Variants in SLC22A23 observed in about 807,000 individuals in gnomAD.
SLC22A23 encodes the protein solute carrier family 22 member 23.
SLC22A23 carries 26 observed loss-of-function variants against 61.0 expected under a neutral mutation model. The observed-to-expected ratio is 0.43, with a 90% confidence interval of 0.31 to 0.59. SLC22A23 has a LOEUF of 0.59. Among genes scored for constraint, SLC22A23 ranks in the 20% least tolerant of loss-of-function variants. The pLI, the probability that SLC22A23 is intolerant of heterozygous loss-of-function variation, is 0.11. For missense variants in SLC22A23, 796 were observed against 934.7 expected (o/e 0.85, Z 1.94); for synonymous variants, 430 against 413.9 (o/e 1.04, Z -0.47).
At chr6:3,278,916 C>T (rs994553993) in intron 9 of SLC22A23, among the ~76,000 whole-genome samples, 5 of 152,088 alleles carry the variant, frequency 3.3e-5, no homozygotes, top group African/African-American at 7.2e-5. Context: ...CTTACTCACA[C>T]GGGAGTCACA....
chr6:3,273,160 C>T lies in SLC22A23; in HGVS notation c.1956G>A (p.Leu652=), dbSNP rs755816262. The T allele has an allele frequency of 6.8e-6, 11 of 1,612,102 alleles. No homozygotes were observed. Among genetic ancestry groups the T allele is most frequent in the South Asian group, 6.6e-5 (6 of 91,030 alleles). Residue 652 remains leucine, a synonymous_variant, in exon 10 of 10, where the codon CTG becomes CTA. Transcript: ENST00000406686. ...LPHKKGEQPL[L]LTNAELKDYS... ...AGTCCTTGAGCTCGGCGTTGGTGAG[C>T]AGCAGTGGCTGCTCCCCCTTCTTGT...
intron 2 of SLC22A23, among the ~76,000 whole-genome samples, chr6:3,412,016 T>C (rs1419854664): frequency 6.6e-6 from 1 of 152,220 alleles, no homozygotes; most frequent in East Asian, 1.9e-4. Flanking sequence ...TCCTGGTCTG[T>C]GAAATGGGGA....
chr6:3,392,034 A>G (rs1416267011), intron 3 of SLC22A23, among the ~76,000 whole-genome samples: 1 of 152,016 alleles, frequency 6.6e-6, no homozygotes, highest in African/African-American at 2.4e-5. Context: ...GGAAGCTGTT[A>G]GAGCGTGTGG....
intron 9 of SLC22A23, among the ~76,000 whole-genome samples, chr6:3,278,762 A>G (rs937754795): frequency 2.6e-5 from 4 of 152,252 alleles, no homozygotes; most frequent in Non-Finnish European, 4.4e-5. Flanking sequence ...TGGCTCTTTC[A>G]GGAAGCCACA....
intron 3 of SLC22A23, among the ~76,000 whole-genome samples, chr6:3,393,917 C>G (rs1453010118): frequency 6.6e-6 from 1 of 152,194 alleles, no homozygotes; most frequent in African/African-American, 2.4e-5. Flanking sequence ...CCTCCTCTCC[C>G]TGCACTCCAC....
chr6:3,429,049 GGA>G lies in SLC22A23; in HGVS notation c.655-13196_655-13195del, dbSNP rs1323072015. Among the ~76,000 whole-genome samples, 6 of 152,282 alleles carry G rather than the reference GGA, an allele frequency of 3.9e-5. No homozygotes were observed. The East Asian group carries it at 1.2e-3, about 29-fold the overall frequency. ...AAGGGCATGTCTGGGCTGCAGAATA[GGA>G]GAGATGTTGCCATGTATATTTTGTT... is the stretch of plus-strand genomic sequence containing the variant. On this transcript the variant is annotated intron_variant, in intron 1 of 9. Transcript: ENST00000406686.
At chr6:3,355,907 AAAAC>A (rs1375696550) in intron 3 of SLC22A23, among the ~76,000 whole-genome samples, 1 of 148,430 alleles carries the variant, frequency 6.7e-6, no homozygotes, top group East Asian at 2.0e-4. Context: ...GAAGTTCAGA[AAAAC>A]AAACACAGTA....
Position 3,297,739 on chromosome 6 carries a change from T to C in SLC22A23, c.1210+352A>G, listed in dbSNP as rs1215719667. Among the ~76,000 whole-genome samples the C allele has an allele frequency of 1.3e-5, 2 of 152,190 alleles. No individual in the cohort carries two copies. Among genetic ancestry groups the C allele is most frequent in the Non-Finnish European group, 2.9e-5 (2 of 68,028 alleles). ...AGGAAAGCTGAGGTCACAGGGGCCA[T>C]CTACACCCTGAGCCAGCGCTCTGGC... On this transcript the variant is annotated intron_variant, in intron 5 of 9. Transcript: ENST00000406686. This position sits in a 1 kb window ranked among gnomAD's most constrained non-coding sequence, Gnocchi z 4.3.
At chr6:3,331,971 T>C (rs774744102) in intron 3 of SLC22A23, among the ~76,000 whole-genome samples, 12 of 152,218 alleles carry the variant, frequency 7.9e-5, no homozygotes, top group Non-Finnish European at 1.3e-4. Flanking sequence ...AAAGTGACAA[T>C]TCCCAATCCT....
At chr6:3,283,733 GA>G (rs1421321694) in intron 9 of SLC22A23, 118 bp downstream of exon 9, 2 of 1,532,820 alleles carry the variant, frequency 1.3e-6, no homozygotes, top group Non-Finnish European at 8.8e-7. Context: ...CCACGAAGCT[GA>G]TGTGTCCAGA....
At chr6:3,366,824 T>A (rs565811897) in intron 3 of SLC22A23, among the ~76,000 whole-genome samples, 3 of 152,278 alleles carry the variant, frequency 2.0e-5, no homozygotes, top group East Asian at 3.9e-4. Context: ...ATCCTAGCAA[T>A]GGTGGGTAAG....
chr6:3,415,926 G>T lies in SLC22A23; in HGVS notation c.655-71C>A. The T allele has an allele frequency of 6.1e-6, 7 of 1,154,694 alleles. No homozygotes were observed. In the South Asian group the frequency reaches 8.2e-5, roughly 14 times the overall value. 71.5% of individuals were successfully genotyped at this position (1,154,694 alleles called of 1,614,324 possible). A position where few individuals can be genotyped will look rare whatever the true frequency, so the allele number is the denominator to read the frequency against. ...GAGCTAGTCGTACTCAATTATAAGG[G>T]CAATACAATAACCCTGCAGGGACCA... On this transcript the variant is annotated intron_variant, in intron 1 of 9. Transcript: ENST00000406686.
At position 3,283,841 on chromosome 6, in the gene SLC22A23, C is replaced by T. The variant is rs777159585; in HGVS notation, c.1703+11G>A. 1.2e-6 allele frequency: 2 copies of T among 1,613,488 alleles called. No individual in the cohort carries two copies. Among genetic ancestry groups the T allele is most frequent in the Non-Finnish European group, 1.7e-6 (2 of 1,179,752 alleles). On this transcript the variant is annotated intron_variant, in intron 9 of 9. Coordinates refer to ENST00000406686, the MANE Select transcript of SLC22A23 (RefSeq NM_015482.2). ...AAGCCGGCGTCCCCTGGGGTGTCTC[C>T]CATGACGCACCTTATCACCGTCGGG...
rs991845641 is a variant in SLC22A23 at position 3,342,120 on chromosome 6, G to C, written c.914-18118C>G. Among the ~76,000 whole-genome samples, 1 of 152,090 alleles carries C rather than the reference G, an allele frequency of 6.6e-6. No homozygotes were observed. Among genetic ancestry groups the C allele is most frequent in the African/African-American group, 2.4e-5 (1 of 41,402 alleles). On this transcript the variant is annotated intron_variant, in intron 3 of 9. Transcript: ENST00000406686. This position sits in a 1 kb window ranked among gnomAD's most constrained non-coding sequence, Gnocchi z 4.0. Reference sequence around the variant, plus strand: ...TCAGCAGCTCCTAAACTAGCATTTTGTTCCTCTAGGTACATACTATGGGTT... The same window carrying C: ...TCAGCAGCTCCTAAACTAGCATTTTCTTCCTCTAGGTACATACTATGGGTT...
In SLC22A23 at chr6:3,305,981, TG is replaced by T. The variant is rs1354659958; in HGVS notation, c.1083-7764del. 1.2e-4 allele frequency among the ~76,000 whole-genome samples: 19 copies of T among 152,308 alleles called. No individual in the cohort carries two copies. The South Asian group carries it at 3.9e-3, about 32-fold the overall frequency. ...AAGGAACACTGGAGGCTCTGGAGGC[TG>T]GGTCATTTATGAAGAAAAGAGGTTT... On this transcript the variant is annotated intron_variant, in intron 4 of 9. Transcript: ENST00000406686.
chr6:3,426,258 A>C (rs1380364348), intron 1 of SLC22A23, among the ~76,000 whole-genome samples: 1 of 152,240 alleles, frequency 6.6e-6, no homozygotes, highest in African/African-American at 2.4e-5. Context: ...AAAAAAGCTT[A>C]TAGCCAAGTC....
At chr6:3,368,165 A>C (rs1765957909) in intron 3 of SLC22A23, among the ~76,000 whole-genome samples, 1 of 152,180 alleles carries the variant, frequency 6.6e-6, no homozygotes, top group Non-Finnish European at 1.5e-5. Context: ...GTCCTACATG[A>C]CAAAGGGCTT....
chr6:3,432,040 T>C (rs1378481749), intron 1 of SLC22A23: 3 of 193,428 alleles, frequency 1.6e-5, no homozygotes, highest in African/African-American at 7.1e-5. Flanking sequence ...GAGCGGCACA[T>C]CCATCATTTT....
chr6:3,271,482 G>A lies in SLC22A23; in HGVS notation c.*1573C>T, dbSNP rs905649872. ...GGGTGGAAAGCCAGAAGGGGAGAAG[G>A]TCAACCCCTTTTCTGCCCTGTGAAT... On this transcript the variant is annotated 3_prime_UTR_variant, in exon 10 of 10. Transcript: ENST00000406686. 27 of 152,524 alleles carry A rather than the reference G, an allele frequency of 1.8e-4. 1 individual carries two copies. Among genetic ancestry groups the A allele is most frequent in the Admixed American group, 1.7e-3 (26 of 15,306 alleles). 9.4% of individuals were successfully genotyped at this position (152,524 alleles called of 1,614,324 possible).
Sources: gnomAD v4.1 joint callset for allele counts (sites outside exome capture counted in the v4.1 genomes callset) on GRCh38, gnomAD v4.1.1 for gene constraint, Gnocchi (gnomAD v3.1) non-coding constraint, MANE v1.5 for transcripts, NCBI Gene and HGNC (gene_info 2026-07-23, HGNC 2026-07-21) for gene names.